Variants in AKT3 observed in about 807,000 individuals in gnomAD.
AKT3 encodes the protein AKT serine/threonine kinase 3.
Under a neutral mutation model 65.3 loss-of-function variants are expected in AKT3, and 15 were observed. That is an observed-to-expected ratio of 0.23 (90% CI 0.15 to 0.35). The LOEUF (loss-of-function observed/expected upper bound fraction) is 0.35. Ranked by LOEUF, AKT3 falls within the 10% of genes least tolerant of loss-of-function variation. The pLI is 1.00. For missense variants in AKT3, 243 were observed against 576.5 expected (o/e 0.42, Z 5.92); for synonymous variants, 206 against 183.8 (o/e 1.12, Z -0.98).
intron 8 of AKT3, among the ~76,000 whole-genome samples, chr1:243,608,344 C>T (rs1677588274): frequency 6.6e-6 from 1 of 152,136 alleles, no homozygotes; most frequent in African/African-American, 2.4e-5. Flanking sequence ...AATTATAATT[C>T]AAGGTAAACT....
chr1:243,742,771 C>T (rs1688241371), intron 2 of AKT3, among the ~76,000 whole-genome samples: 1 of 152,026 alleles, frequency 6.6e-6, no homozygotes, highest in Admixed American at 6.5e-5. Context: ...AGAATATTCT[C>T]CAAACCCTAG....
intron 2 of AKT3, among the ~76,000 whole-genome samples, chr1:243,816,110 T>C (rs1156639006): frequency 2.0e-5 from 3 of 152,156 alleles, no homozygotes; most frequent in East Asian, 1.9e-4. Context: ...GTTTCTACTA[T>C]GGCTTGCTCA....
downstream of AKT3, among the ~76,000 whole-genome samples, chr1:243,496,733 T>G (rs1051676680): frequency 4.6e-5 from 7 of 152,180 alleles, no homozygotes; most frequent in African/African-American, 1.7e-4. Flanking sequence ...CACAGTGTGG[T>G]TGCCTGGGGA....
chr1:243,832,120 T>TAAAAAAAAAA (rs869235352), intron 2 of AKT3, among the ~76,000 whole-genome samples: 2 of 44,756 alleles, frequency 4.5e-5, no homozygotes, highest in Non-Finnish European at 7.9e-5. Context: ...TCCCTAAAAC[T>TAAAAAAAAAA]AAAAAAAAAA....
At chr1:243,736,157 T>C (rs903049535) in intron 2 of AKT3, among the ~76,000 whole-genome samples, 1 of 152,182 alleles carries the variant, frequency 6.6e-6, no homozygotes, top group African/African-American at 2.4e-5. Flanking sequence ...TTATTATCAG[T>C]GTAACCTGGA....
chr1:243,743,939 C>T (rs1283889034), intron 2 of AKT3, among the ~76,000 whole-genome samples: 1 of 152,196 alleles, frequency 6.6e-6, no homozygotes, highest in African/African-American at 2.4e-5. Context: ...TTAAGGAAAG[C>T]ATCTAGCAGC....
intron 8 of AKT3, among the ~76,000 whole-genome samples, chr1:243,584,155 A>G (rs1284196701): frequency 1.3e-5 from 2 of 152,174 alleles, no homozygotes; most frequent in African/African-American, 4.8e-5. Flanking sequence ...CTTATCCCAC[A>G]GGAATACGAA....
At chr1:243,611,608 T>C (rs899763756) in intron 8 of AKT3, among the ~76,000 whole-genome samples, 3 of 151,740 alleles carry the variant, frequency 2.0e-5, no homozygotes, top group Admixed American at 1.3e-4. Context: ...AGCTTAAGCT[T>C]AGGAGGTGGA....
At chr1:243,638,023 A>G (rs1252593624) in intron 5 of AKT3, among the ~76,000 whole-genome samples, 1 of 152,088 alleles carries the variant, frequency 6.6e-6, no homozygotes, top group African/African-American at 2.4e-5. Flanking sequence ...GAAAAAAATT[A>G]TTTTCACTCA....
chr1:243,659,514 TTA>T (rs1480220276), intron 4 of AKT3, among the ~76,000 whole-genome samples: 22 of 152,300 alleles, frequency 1.4e-4, no homozygotes, highest in Middle Eastern at 3.4e-3. Flanking sequence ...GTTAAAAATT[TTA>T]TAGTTTCTCT....
intron 4 of AKT3, among the ~76,000 whole-genome samples, chr1:243,647,610 T>A: frequency 6.6e-6 from 1 of 152,250 alleles, no homozygotes; most frequent in South Asian, 2.1e-4. Flanking sequence ...ATTGACTTTG[T>A]ATACTGCAAC....
intron 2 of AKT3, among the ~76,000 whole-genome samples, chr1:243,789,125 C>G (rs967897556): frequency 6.6e-6 from 1 of 152,210 alleles, no homozygotes; most frequent in African/African-American, 2.4e-5. Flanking sequence ...CACCTGTATT[C>G]CCAGCACTCT....
intron 2 of AKT3, among the ~76,000 whole-genome samples, chr1:243,808,954 T>C (rs1692935619): frequency 6.6e-6 from 1 of 152,056 alleles, no homozygotes; most frequent in Non-Finnish European, 1.5e-5. Flanking sequence ...GAAGGAGAAA[T>C]AAAATACTTT....
At chr1:243,515,647 T>G (rs1574516030) in intron 12 of AKT3, among the ~76,000 whole-genome samples, 1 of 152,334 alleles carries the variant, frequency 6.6e-6, no homozygotes, top group East Asian at 1.9e-4. Flanking sequence ...AAATTAAACA[T>G]TTTAGCATAT....
At chr1:243,614,165 C>T (rs1483401905) in intron 7 of AKT3, among the ~76,000 whole-genome samples, 3 of 152,046 alleles carry the variant, frequency 2.0e-5, no homozygotes, top group African/African-American at 7.2e-5. Context: ...TCACTTTTTG[C>T]ATATTGAGTG....
intron 4 of AKT3, 131 bp from the exon 5 acceptor site, chr1:243,646,168 T>C (rs1680792298): frequency 2.9e-6 from 2 of 686,020 alleles, no homozygotes; most frequent in Non-Finnish European, 4.5e-6. Flanking sequence ...CAGATAAGCA[T>C]ACACTCTCAC....
At chr1:243,561,408 G>A (rs1435915011) in intron 10 of AKT3, among the ~76,000 whole-genome samples, 2 of 152,030 alleles carry the variant, frequency 1.3e-5, no homozygotes, top group Non-Finnish European at 1.5e-5. Context: ...AGGCCAGGAC[G>A]TATGTAGTTT....
intron 2 of AKT3, among the ~76,000 whole-genome samples, chr1:243,736,830 C>T (rs146411593): frequency 1.3e-5 from 2 of 152,286 alleles, no homozygotes; most frequent in African/African-American, 4.8e-5. Flanking sequence ...TATGCCACCC[C>T]TATATTGCTA....
At chr1:243,786,720 T>C (rs184225280) in intron 2 of AKT3, among the ~76,000 whole-genome samples, 1 of 152,042 alleles carries the variant, frequency 6.6e-6, no homozygotes, top group Non-Finnish European at 1.5e-5. Context: ...TAAAAATGAT[T>C]AGAAGCTGTT....
Sources: allele counts gnomAD v4.1 joint callset (sites outside exome capture counted in the v4.1 genomes callset), GRCh38; gene constraint gnomAD v4.1.1; transcripts MANE v1.5; gene names NCBI Gene and HGNC (gene_info 2026-07-23, HGNC 2026-07-21).